The following CHST9 variants were observed in gnomAD, a reference collection of about 807,000 sequenced individuals.
CHST9 encodes the protein carbohydrate sulfotransferase 9.
CHST9 carries 41 observed loss-of-function variants against 44.4 expected under a neutral mutation model. That is an observed-to-expected ratio of 0.92 (90% confidence interval 0.72 to 1.20). The LOEUF (loss-of-function observed/expected upper bound fraction) is 1.20. Among genes scored for constraint, CHST9 ranks in the 50% most tolerant of loss-of-function variants. The pLI, the probability that CHST9 is intolerant of heterozygous loss-of-function variation, is 0.00. For synonymous variants in CHST9, 171 were observed against 178.4 expected (o/e 0.96, Z 0.33); for missense variants, 504 against 516.5 (o/e 0.98, Z 0.23).
At chr18:27,136,189 T>G (rs2058511716) in intron 2 of CHST9, among the ~76,000 whole-genome samples, 1 of 152,214 alleles carries the variant, frequency 6.6e-6, no homozygotes, top group Non-Finnish European at 1.5e-5. Flanking sequence ...ACTTGAGTGT[T>G]AGGCTTTTGA....
At chr18:26,998,122 C>A (rs565101203) in intron 4 of CHST9, among the ~76,000 whole-genome samples, 80 of 152,324 alleles carry the variant, frequency 5.3e-4, no homozygotes, top group African/African-American at 1.9e-3. Flanking sequence ...TTTTGAGACA[C>A]AGCACAGGGT....
At chr18:27,114,018 T>A (rs1192720481) in intron 2 of CHST9, among the ~76,000 whole-genome samples, 1 of 152,212 alleles carries the variant, frequency 6.6e-6, no homozygotes, top group Non-Finnish European at 1.5e-5. Flanking sequence ...TATTTGTTAA[T>A]GTTGTTAATC....
chr18:26,929,745 C>T (rs887063107), intron 5 of CHST9, among the ~76,000 whole-genome samples: 8 of 151,744 alleles, frequency 5.3e-5, no homozygotes, highest in African/African-American at 2.4e-5. Context: ...CCAGTTATTA[C>T]GGGGTAGGAG....
At chr18:27,015,441 C>T (rs753510737) in intron 4 of CHST9, among the ~76,000 whole-genome samples, 2 of 151,246 alleles carry the variant, frequency 1.3e-5, no homozygotes, top group Admixed American at 6.6e-5. Flanking sequence ...CAGTGTAGGG[C>T]GTGGAATCAA....
At chr18:26,927,705 C>T (rs144685909) in intron 5 of CHST9, among the ~76,000 whole-genome samples, 251 of 136,402 alleles carry the variant, frequency 1.8e-3, no homozygotes, top group African/African-American at 7.1e-3. Flanking sequence ...GGTTTTACAC[C>T]GAGACATTCC....
chr18:27,023,968 A>C (rs2057254603), intron 4 of CHST9, 148 bp downstream of exon 4: 3 of 719,098 alleles, frequency 4.2e-6, no homozygotes, highest in African/African-American at 3.7e-5. Context: ...CACTCCAAAA[A>C]TGCCACCTAG....
At chr18:27,116,361 T>C (rs1207281632) in intron 2 of CHST9, among the ~76,000 whole-genome samples, 1 of 152,192 alleles carries the variant, frequency 6.6e-6, no homozygotes, top group Non-Finnish European at 1.5e-5. Flanking sequence ...CAGTATTATT[T>C]GTTAAAAATA....
chr18:27,132,241 T>C (rs1220219352), intron 2 of CHST9, among the ~76,000 whole-genome samples: 2 of 152,266 alleles, frequency 1.3e-5, no homozygotes, highest in Non-Finnish European at 2.9e-5. Context: ...TTATCTTCTA[T>C]AATTCCTCAT....
At chr18:26,994,869 G>T (rs908262969) in intron 4 of CHST9, among the ~76,000 whole-genome samples, 1 of 152,076 alleles carries the variant, frequency 6.6e-6, no homozygotes, top group African/African-American at 2.4e-5. Flanking sequence ...GATTACAGGC[G>T]TGAGCCATTG....
intron 4 of CHST9, among the ~76,000 whole-genome samples, chr18:26,977,452 A>G (rs1032957608): frequency 6.6e-6 from 1 of 152,080 alleles, no homozygotes; most frequent in African/African-American, 2.4e-5. Flanking sequence ...AATGAAAAGA[A>G]AAAAAGTAAT....
chr18:26,933,121 A>G lies in CHST9; in HGVS notation c.240+11208T>C, dbSNP rs955335627. The G allele has an allele frequency of 5.9e-5, 9 of 153,820 alleles. 1 individual carries two copies. Among genetic ancestry groups the G allele is most frequent in the African/African-American group, 2.2e-4 (9 of 41,472 alleles). The allele number at this position is 153,820 out of a possible 1,614,324, so 9.5% of individuals were successfully genotyped here. A position where few individuals can be genotyped will look rare whatever the true frequency, so the allele number is the denominator to read the frequency against. ...AATTTGCAAAAGAACCTGTGAGCCA[A>G]CGTAGGTTGTGAGATGCATATCCCA... On this transcript the variant is annotated intron_variant, in intron 5 of 5. Coordinates refer to ENST00000618847, the MANE Select transcript of CHST9 (RefSeq NM_031422.6).
At chr18:27,177,348 T>C (rs1412370515) in intron 1 of CHST9, among the ~76,000 whole-genome samples, 1 of 151,904 alleles carries the variant, frequency 6.6e-6, no homozygotes, top group African/African-American at 2.4e-5. Flanking sequence ...TTCATTAAAG[T>C]ATATAATCAA....
chr18:27,018,242 T>G (rs957211007), intron 4 of CHST9, among the ~76,000 whole-genome samples: 1 of 152,186 alleles, frequency 6.6e-6, no homozygotes, highest in African/African-American at 2.4e-5. Flanking sequence ...AGAAAAAGAT[T>G]GAAAACCTTG....
chr18:27,131,437 G>A (rs2058470784), intron 2 of CHST9, among the ~76,000 whole-genome samples: 1 of 152,216 alleles, frequency 6.6e-6, no homozygotes, highest in Non-Finnish European at 1.5e-5. Context: ...TGTACTTCCA[G>A]CTACTTGGGT....
chr18:27,091,150 AG>A (rs1234950719), intron 2 of CHST9, among the ~76,000 whole-genome samples: 2 of 152,112 alleles, frequency 1.3e-5, no homozygotes, highest in African/African-American at 4.8e-5. Context: ...CTCCTTGAAG[AG>A]GTCCTTCACG....
chr18:26,958,323 G>A (rs2056354133), intron 4 of CHST9, among the ~76,000 whole-genome samples: 1 of 151,914 alleles, frequency 6.6e-6, no homozygotes, highest in South Asian at 2.1e-4. Context: ...TACGTTCTTT[G>A]ACTCTTAAAA....
In CHST9 at chr18:26,916,914, T is replaced by C. The variant is rs747242394; in HGVS notation, c.677A>G (p.Asn226Ser). ...TAGTACCATCAGAATTCTTTTCCAA[T>C]TGGAACAGCCAGCCTTAGGTACCTC... ...YCEVPKAGCS[N>S]WKRILMVLNG... The change falls in exon 6 of 6, where the codon AAT becomes AGT. Residue 226 changes from asparagine (N) to serine (S), a missense_variant. Coordinates refer to ENST00000618847, the MANE Select transcript of CHST9 (RefSeq NM_031422.6). The C allele has an allele frequency of 5.6e-6, 9 of 1,613,804 alleles. No homozygotes were observed. The East Asian group carries it at 1.8e-4, about 32-fold the overall frequency.
At chr18:26,947,127 G>A (rs183169474) in intron 4 of CHST9, among the ~76,000 whole-genome samples, 6 of 152,244 alleles carry the variant, frequency 3.9e-5, no homozygotes, top group East Asian at 1.9e-4. Context: ...CCATTTTCAC[G>A]ATATTGATTC....
chr18:27,095,700 T>C (rs935198139), intron 2 of CHST9, among the ~76,000 whole-genome samples: 1 of 152,156 alleles, frequency 6.6e-6, no homozygotes, highest in Non-Finnish European at 1.5e-5. Context: ...AGAAGGGCAC[T>C]ACATAATGTT....
Sources: gnomAD v4.1 joint callset for allele counts (sites outside exome capture counted in the v4.1 genomes callset) on GRCh38, gnomAD v4.1.1 for gene constraint, MANE v1.5 for transcripts, NCBI Gene and HGNC (gene_info 2026-07-23, HGNC 2026-07-21) for gene names.